IL15: variants seen among roughly 807,000 people sequenced by gnomAD.
IL15 encodes interleukin 15.
Under a neutral mutation model 19.6 loss-of-function variants are expected in IL15, and 11 were observed. That is an observed-to-expected ratio of 0.56 (90% CI 0.35 to 0.93). The LOEUF (loss-of-function observed/expected upper bound fraction) is 0.93, where lower values mean the gene tolerates loss of function less well. Ranked by LOEUF, IL15 falls within the 40% of genes least tolerant of loss-of-function variation. IL15 has a pLI of 0.01. For missense variants in IL15, 197 were observed against 186.5 expected (o/e 1.06, Z -0.33); for synonymous variants, 58 against 59.6 (o/e 0.97, Z 0.12).
intron 2 of IL15, among the ~76,000 whole-genome samples, chr4:141,696,672 T>C (rs1401107435): frequency 2.0e-5 from 3 of 152,050 alleles, no homozygotes; most frequent in African/African-American, 4.8e-5. Context: ...AGATTTTTGG[T>C]AACTGGTTTT....
intron 2 of IL15, among the ~76,000 whole-genome samples, chr4:141,700,810 GT>G (rs1258777907): frequency 1.3e-5 from 2 of 152,106 alleles, no homozygotes; most frequent in African/African-American, 4.8e-5. Flanking sequence ...TGGAGACTTT[GT>G]TCATTAAAGA....
intron 1 of IL15, among the ~76,000 whole-genome samples, chr4:141,639,852 T>C (rs1726985360): frequency 6.6e-6 from 1 of 152,180 alleles, no homozygotes; most frequent in Admixed American, 6.5e-5. Context: ...AAAAATTCCA[T>C]AGAGGAGTTG....
chr4:141,730,030 C>G, intron 7 of IL15, 46 bp downstream of exon 7: 1 of 1,503,330 alleles, frequency 6.7e-7, no homozygotes, highest in Non-Finnish European at 9.2e-7. Context: ...ATGTTTTGGG[C>G]CTGATTTGGA....
intron 2 of IL15, among the ~76,000 whole-genome samples, chr4:141,700,599 C>T: frequency 6.6e-6 from 1 of 152,072 alleles, no homozygotes; most frequent in East Asian, 1.9e-4. Flanking sequence ...GATGATGTGC[C>T]TTAGTGATGG....
chr4:141,650,514 C>T (rs1727370352), intron 1 of IL15, among the ~76,000 whole-genome samples: 1 of 151,952 alleles, frequency 6.6e-6, no homozygotes, highest in Admixed American at 6.6e-5. Flanking sequence ...ATGCTTTGTG[C>T]TATGGTAACT....
intron 2 of IL15, among the ~76,000 whole-genome samples, chr4:141,660,825 T>C (rs1488707486): frequency 6.6e-6 from 1 of 152,218 alleles, no homozygotes; most frequent in African/African-American, 2.4e-5. Flanking sequence ...ATTCATTAGG[T>C]ACATTTCCTA....
chr4:141,669,345 G>C (rs941267529), intron 2 of IL15, among the ~76,000 whole-genome samples: 8 of 152,174 alleles, frequency 5.3e-5, no homozygotes, highest in African/African-American at 1.9e-4. Flanking sequence ...TGGTTGTGTG[G>C]TGAAAGTAGT....
At chr4:141,661,458 G>A (rs148865418) in intron 2 of IL15, among the ~76,000 whole-genome samples, 16 of 152,306 alleles carry the variant, frequency 1.1e-4, no homozygotes, top group African/African-American at 3.9e-4. Flanking sequence ...AGTATCTAGT[G>A]AGGAAGCTGG....
intron 7 of IL15, 78 bp from the exon 8 acceptor site, chr4:141,732,660 T>G: frequency 6.4e-7 from 1 of 1,558,318 alleles, no homozygotes; most frequent in African/African-American, 1.4e-5. Flanking sequence ...GTTCAAACGA[T>G]ATGATATTCC....
chr4:141,722,967 A>C (rs1248170135), intron 5 of IL15, among the ~76,000 whole-genome samples: 2 of 152,156 alleles, frequency 1.3e-5, no homozygotes, highest in Non-Finnish European at 2.9e-5. Flanking sequence ...GAGACAGTTG[A>C]CTTAAGAAAA....
chr4:141,678,382 A>AT (rs1384941302), intron 2 of IL15, among the ~76,000 whole-genome samples: 14 of 151,158 alleles, frequency 9.3e-5, no homozygotes, highest in Non-Finnish European at 1.5e-4. Context: ...TCGTAGTCAT[A>AT]TTTTTTTTTC....
intron 6 of IL15, among the ~76,000 whole-genome samples, chr4:141,729,625 T>C (rs767990706): frequency 7.2e-5 from 11 of 152,168 alleles, no homozygotes; most frequent in East Asian, 1.9e-4. Flanking sequence ...TGTTCTTCTG[T>C]ACAATATTGC....
intron 2 of IL15, among the ~76,000 whole-genome samples, chr4:141,678,594 T>G: frequency 7.3e-6 from 1 of 136,338 alleles, no homozygotes. Flanking sequence ...AGCAAATGTG[T>G]GATTTCGTTG....
intron 2 of IL15, among the ~76,000 whole-genome samples, chr4:141,713,825 C>T (rs1478150750): frequency 6.6e-6 from 1 of 152,112 alleles, no homozygotes; most frequent in Non-Finnish European, 1.5e-5. Flanking sequence ...CAATCGCTCC[C>T]TTACATATAG....
At chr4:141,722,080 T>A (rs1730104759) in intron 5 of IL15, 72 bp downstream of exon 5, 1 of 1,450,944 alleles carries the variant, frequency 6.9e-7, no homozygotes, top group Non-Finnish European at 9.2e-7. Context: ...TGTTTTTCTG[T>A]CTGTCTTAAG....
intron 5 of IL15, among the ~76,000 whole-genome samples, chr4:141,725,373 T>C (rs1328647665): frequency 1.3e-5 from 2 of 152,160 alleles, no homozygotes; most frequent in African/African-American, 2.4e-5. Flanking sequence ...ATATGACTGG[T>C]ATCTTTAGAA....
At chr4:141,709,831 T>G (rs1031891034) in intron 2 of IL15, among the ~76,000 whole-genome samples, 1 of 152,092 alleles carries the variant, frequency 6.6e-6, no homozygotes, top group African/African-American at 2.4e-5. Context: ...GGGTGAATTG[T>G]GTGTTGCTGA....
At position 141,675,093 on chromosome 4, in the gene IL15, A is replaced by G. The variant is rs141565737; in HGVS notation, c.-100+18786A>G. Among the ~76,000 whole-genome samples, 824 of 152,142 alleles carry G rather than the reference A, an allele frequency of 5.4e-3. 7 individuals carry two copies. The highest frequency in any genetic ancestry group is 6.1e-3 in the Non-Finnish European group (416 of 67,996). On this transcript the variant is annotated intron_variant, in intron 2 of 7. Transcript: ENST00000320650. ...ATGGGTTTCAGCTGCAGGTCCACTT[A>G]TACCCATTTTTTAAAAATAATTATA...
At chr4:141,665,888 G>A (rs1297032848) in intron 2 of IL15, among the ~76,000 whole-genome samples, 1 of 151,862 alleles carries the variant, frequency 6.6e-6, no homozygotes, top group East Asian at 1.9e-4. Context: ...TTATTTCCTA[G>A]GTGACTAAAA....
Sources: gnomAD v4.1 joint callset for allele counts (sites outside exome capture counted in the v4.1 genomes callset) on GRCh38, gnomAD v4.1.1 for gene constraint, MANE v1.5 for transcripts, NCBI Gene and HGNC (gene_info 2026-07-23, HGNC 2026-07-21) for gene names.